SRGAP3: variants seen among roughly 807,000 people sequenced by gnomAD.
SRGAP3 encodes the protein SLIT-ROBO Rho GTPase activating protein 3, also known as SLIT-ROBO Rho GTPase-activating protein 3.
Under a neutral mutation model 121.1 loss-of-function variants are expected in SRGAP3, and 39 were observed. That is an observed-to-expected ratio of 0.32 (90% CI 0.25 to 0.42). The LOEUF is 0.42. Ranked by LOEUF, SRGAP3 falls within the 10% of genes least tolerant of loss-of-function variation. SRGAP3 has a pLI of 1.00. For missense variants in SRGAP3, 1,213 were observed against 1,470.6 expected (o/e 0.82, Z 2.86); for synonymous variants, 601 against 570.0 (o/e 1.05, Z -0.77).
At chr3:9,052,918 C>T in intron 9 of SRGAP3, 109 bp downstream of exon 9, 1 of 1,312,710 alleles carries the variant, frequency 7.6e-7, no homozygotes, top group Non-Finnish European at 1.1e-6. Flanking sequence ...GTCTTAGATC[C>T]AATTGACCCA....
At chr3:9,047,223 C>T (rs749582977) in intron 10 of SRGAP3, among the ~76,000 whole-genome samples, 168 bp downstream of exon 10, 1 of 152,148 alleles carries the variant, frequency 6.6e-6, no homozygotes. Flanking sequence ...CCCCACAAGG[C>T]ATCTGTACCA....
chr3:9,193,235 C>G (rs539310855), intron 1 of SRGAP3: 3 of 152,262 alleles, frequency 2.0e-5, no homozygotes, highest in African/African-American at 7.2e-5. Context: ...AGGTTCTGAC[C>G]CCCAAGCCCA....
intron 3 of SRGAP3, among the ~76,000 whole-genome samples, chr3:9,258,937 C>T (rs912840398): frequency 3.3e-5 from 5 of 152,192 alleles, no homozygotes; most frequent in Non-Finnish European, 5.9e-5. Context: ...CCGTGGGCAG[C>T]CTGCGATGTC....
intron 1 of SRGAP3, among the ~76,000 whole-genome samples, chr3:9,358,405 A>C (rs1259690390): frequency 1.3e-5 from 2 of 152,172 alleles, no homozygotes; most frequent in African/African-American, 2.4e-5. Context: ...ATATTGTAGA[A>C]TATATCTGTA....
At chr3:9,341,615 G>A (rs1955789439) in intron 1 of SRGAP3, among the ~76,000 whole-genome samples, 1 of 152,186 alleles carries the variant, frequency 6.6e-6, no homozygotes. Flanking sequence ...AAGGAGGCTG[G>A]CAGACAACTT....
chr3:9,290,462 C>T (rs1206658839), intron 3 of SRGAP3, among the ~76,000 whole-genome samples: 2 of 152,136 alleles, frequency 1.3e-5, no homozygotes, highest in East Asian at 3.8e-4. Context: ...TCAGTAGGGA[C>T]TAGGCAATGA....
chr3:9,074,491 A>G (rs1946865822), intron 4 of SRGAP3, among the ~76,000 whole-genome samples: 1 of 152,150 alleles, frequency 6.6e-6, no homozygotes, highest in African/African-American at 2.4e-5. Flanking sequence ...ATTAACTAAC[A>G]CTGGGGGAAC....
At chr3:9,007,747 A>T (rs959163450) in intron 18 of SRGAP3, 3 of 152,080 alleles carry the variant, frequency 2.0e-5, no homozygotes, top group African/African-American at 7.2e-5. Flanking sequence ...TAGATAAGGA[A>T]ATAGAGGCCA....
intron 1 of SRGAP3, among the ~76,000 whole-genome samples, chr3:9,334,597 C>A (rs1486346862): frequency 6.6e-6 from 1 of 152,146 alleles, no homozygotes; most frequent in East Asian, 1.9e-4. Context: ...ATATTAGGCA[C>A]TTTGCAGATA....
rs147798759 is a variant in SRGAP3 at position 9,160,583 on chromosome 3, T to C, written c.68-35666A>G. Among the ~76,000 whole-genome samples the C allele has an allele frequency of 1.8e-3, 277 of 152,344 alleles. 2 individuals carry two copies. Among genetic ancestry groups the C allele is most frequent in the Middle Eastern group, 6.8e-3 (2 of 294 alleles). Reference sequence around the variant, plus strand: ...TAGCAAGATCTTGACTGTAAGCTCATGGGAAACCCTGAGCCAGAACCATCC... The same window carrying C: ...TAGCAAGATCTTGACTGTAAGCTCACGGGAAACCCTGAGCCAGAACCATCC... On this transcript the variant is annotated intron_variant, in intron 1 of 21. Coordinates refer to ENST00000383836, the MANE Select transcript of SRGAP3 (RefSeq NM_014850.4).
At chr3:9,197,716 C>T (rs1295677734) in intron 1 of SRGAP3, among the ~76,000 whole-genome samples, 2 of 152,172 alleles carry the variant, frequency 1.3e-5, no homozygotes, top group Non-Finnish European at 2.9e-5. Context: ...AGTACATCAC[C>T]GGCATTTTCC....
At chr3:9,149,734 C>T (rs1380522801) in intron 1 of SRGAP3, among the ~76,000 whole-genome samples, 2 of 152,224 alleles carry the variant, frequency 1.3e-5, no homozygotes, top group East Asian at 1.9e-4. Context: ...CAGCCAAGTT[C>T]AACAGAACTG....
At chr3:9,012,754 C>T (rs1443198768) in intron 17 of SRGAP3, among the ~76,000 whole-genome samples, 1 of 152,194 alleles carries the variant, frequency 6.6e-6, no homozygotes, top group Non-Finnish European at 1.5e-5. Context: ...TAAAGCATTG[C>T]ATCTCCTTAC....
intron 1 of SRGAP3, among the ~76,000 whole-genome samples, chr3:9,339,502 C>T (rs1955746812): frequency 6.6e-6 from 1 of 152,170 alleles, no homozygotes. Context: ...TGGTGGCCAA[C>T]ATAAACATGT....
intron 1 of SRGAP3, among the ~76,000 whole-genome samples, chr3:9,228,367 T>A (rs1953069432): frequency 6.6e-6 from 1 of 152,222 alleles, no homozygotes; most frequent in Admixed American, 6.5e-5. Context: ...CCAATTTTGT[T>A]GTGCATCTCA....
At chr3:9,153,231 C>G (rs1022606435) in intron 1 of SRGAP3, among the ~76,000 whole-genome samples, 1 of 152,172 alleles carries the variant, frequency 6.6e-6, no homozygotes. Context: ...TTCCCAAGAG[C>G]ACTTACTACA....
At chr3:9,141,565 TG>T (rs1286245854) in intron 1 of SRGAP3, among the ~76,000 whole-genome samples, 3 of 122,804 alleles carry the variant, frequency 2.4e-5, no homozygotes, top group African/African-American at 1.1e-4. Context: ...TGTGTGTGTG[TG>T]TGTGTGTGTG....
At chr3:9,190,668 G>A (rs190869075) in intron 1 of SRGAP3, among the ~76,000 whole-genome samples, 217 of 152,256 alleles carry the variant, frequency 1.4e-3, no homozygotes, top group African/African-American at 4.9e-3. Flanking sequence ...GGTTTTAGTC[G>A]GTCAGCTATC....
chr3:8,991,161 C>T (rs147458244), intron 20 of SRGAP3, among the ~76,000 whole-genome samples: 12 of 152,288 alleles, frequency 7.9e-5, no homozygotes, highest in Non-Finnish European at 1.5e-4. Flanking sequence ...ACCCTGGAAA[C>T]GCTTTGGTGA....
Sources: allele counts gnomAD v4.1 joint callset (sites outside exome capture counted in the v4.1 genomes callset), GRCh38; gene constraint gnomAD v4.1.1; transcripts MANE v1.5; gene names NCBI Gene and HGNC (gene_info 2026-07-23, HGNC 2026-07-21).